The following ZHX3 variants were observed in gnomAD, a reference collection of about 807,000 sequenced individuals.
The protein encoded by ZHX3 is zinc fingers and homeoboxes 3.
A neutral mutation model predicts 64.5 loss-of-function variants in ZHX3; 20 were observed. The ratio of observed to expected loss-of-function variants is 0.31; its 90% CI spans 0.22 to 0.45. The LOEUF is 0.45. ZHX3 is among the 20% of genes least tolerant of loss of function. ZHX3 has a pLI of 1.00. For synonymous variants in ZHX3, 423 were observed against 461.6 expected, an observed-to-expected ratio of 0.92 and a Z score of 1.07; for missense variants, 1,041 against 1,195.8, an observed-to-expected ratio of 0.87 and a Z score of 1.91.
In ZHX3 at chr20:41,202,901, G is replaced by A; in HGVS notation, c.2016C>T (p.Thr672=). ...GAGAGGCATTCTCCTCAGCCTTCTT[G>A]GTCTCCTCAGCATTCACTTTTTTCC... ...ERRKKVNAEE[T]KKAEENASQE... Residue 672 remains threonine (T), a synonymous_variant, in exon 3 of 4, where the codon ACC becomes ACT. Coordinates refer to ENST00000683867, the MANE Select transcript of ZHX3 (RefSeq NM_001384317.1). The surrounding 1 kb of genome is among the most constrained non-coding windows in gnomAD (Gnocchi z 7.0). 1 of 1,614,048 alleles carries A rather than the reference G, an allele frequency of 6.2e-7. No individual in the cohort carries two copies. Among genetic ancestry groups the A allele is most frequent in the Non-Finnish European group, 8.5e-7 (1 of 1,180,014 alleles).
chr20:41,206,732 A>G (rs2038744643), intron 2 of ZHX3, among the ~76,000 whole-genome samples: 1 of 152,216 alleles, frequency 6.6e-6, no homozygotes, highest in African/African-American at 2.4e-5. Context: ...TCTTCAGGAT[A>G]TTATCCAGGA....
chr20:41,310,946 C>T (rs1568968551), intron 1 of ZHX3, among the ~76,000 whole-genome samples: 1 of 151,452 alleles, frequency 6.6e-6, no homozygotes, highest in African/African-American at 2.4e-5. Flanking sequence ...GTAGCTGGGA[C>T]TACAGGCACG....
chr20:41,196,402 TTA>T (rs1491367053), intron 3 of ZHX3, among the ~76,000 whole-genome samples: 2 of 54,214 alleles, frequency 3.7e-5, no homozygotes, highest in Non-Finnish European at 6.5e-5. Flanking sequence ...TTTATATATA[TTA>T]TATATTATAT....
At chr20:41,295,029 T>C (rs1349855011) in intron 1 of ZHX3, among the ~76,000 whole-genome samples, 1 of 152,232 alleles carries the variant, frequency 6.6e-6, no homozygotes, top group Non-Finnish European at 1.5e-5. Flanking sequence ...AAAAACTCTG[T>C]ATTAATGACT....
Position 41,185,176 on chromosome 20 carries a change from T to C in ZHX3, c.*15A>G. The stretch of plus-strand genomic sequence containing the variant: ...TTCCCAGACTGGCCAGTCCTTCACA[T>C]TAATCAGATCAAATTCAGTCTGTTT... On this transcript the variant is annotated 3_prime_UTR_variant, in exon 4 of 4. Coordinates refer to ENST00000683867, the MANE Select transcript of ZHX3 (RefSeq NM_001384317.1). This position sits in a 1 kb window ranked among gnomAD's most constrained non-coding sequence, Gnocchi z 5.0. 2 of 1,609,232 alleles carry C rather than the reference T, an allele frequency of 1.2e-6. No individual in the cohort carries two copies. The highest frequency in any genetic ancestry group is 1.7e-6 in the Non-Finnish European group (2 of 1,177,696).
intron 2 of ZHX3, among the ~76,000 whole-genome samples, chr20:41,263,328 GAAAAAT>G (rs1179795271): frequency 6.7e-6 from 1 of 149,934 alleles, no homozygotes; most frequent in East Asian, 1.9e-4. Context: ...CTGTGCTACC[GAAAAAT>G]AAAAATAAAA....
chr20:41,305,981 A>G (rs1464965223), intron 1 of ZHX3, among the ~76,000 whole-genome samples: 1 of 152,132 alleles, frequency 6.6e-6, no homozygotes, highest in African/African-American at 2.4e-5. Context: ...AGAATTATAT[A>G]TCCATTGTTG....
chr20:41,244,032 G>A (rs2041543924), intron 2 of ZHX3, among the ~76,000 whole-genome samples: 1 of 152,004 alleles, frequency 6.6e-6, no homozygotes, highest in Non-Finnish European at 1.5e-5. Context: ...GACATTTAGG[G>A]CTAGATAATC....
Position 41,212,337 on chromosome 20 carries a change from A to C in ZHX3, c.-150-7271T>G, listed in dbSNP as rs1254392056. The stretch of plus-strand genomic sequence containing the variant: ...CAAATCAAAACCACAATGAGATACC[A>C]CTTCACACCCACCAAGATGGCTGTA... On this transcript the variant is annotated intron_variant, in intron 2 of 3. Coordinates refer to ENST00000683867, the MANE Select transcript of ZHX3 (RefSeq NM_001384317.1). The surrounding 1 kb of genome is among the most constrained non-coding windows in gnomAD (Gnocchi z 4.3). Among the ~76,000 whole-genome samples, 1 of 152,214 alleles carries C rather than the reference A, an allele frequency of 6.6e-6. No individual in the cohort carries two copies. Among genetic ancestry groups the C allele is most frequent in the Non-Finnish European group, 1.5e-5 (1 of 68,036 alleles).
At chr20:41,208,678 G>C (rs2038920726) in intron 2 of ZHX3, among the ~76,000 whole-genome samples, 1 of 152,102 alleles carries the variant, frequency 6.6e-6, no homozygotes, top group Non-Finnish European at 1.5e-5. Flanking sequence ...ATTAGGTATT[G>C]ATGGGACGTA....
chr20:41,204,150 G>A lies in ZHX3; in HGVS notation c.767C>T (p.Pro256Leu), dbSNP rs765465508. The change falls in exon 3 of 4, where the codon CCC becomes CTC. Residue 256 changes from proline (P) to leucine (L), a missense_variant. Physicochemically the swap from Pro to Leu is moderately conservative, Grantham distance 98 (BLOSUM62 -3). This residue lies in a region of ZHX3 where 358 missense variants were observed against 369.1 expected (regional missense o/e 0.97). Coordinates refer to ENST00000683867, the MANE Select transcript of ZHX3 (RefSeq NM_001384317.1). The surrounding 1 kb of genome is among the most constrained non-coding windows in gnomAD (Gnocchi z 6.6). Reference protein sequence around the residue: ...SAKNPHAANGPLIGTVPVLPA... With the variant: ...SAKNPHAANGLLIGTVPVLPA... ...CAAAACTGGCACTGTTCCTATCAGG[G>A]GCCCGTTGGCGGCATGGGGGTTTTT... is the stretch of plus-strand genomic sequence containing the variant. 9 of 1,607,230 alleles carry A rather than the reference G, an allele frequency of 5.6e-6. No homozygotes were observed. The East Asian group carries it at 1.6e-4, about 28-fold the overall frequency.
In ZHX3 at chr20:41,289,621, T is replaced by A. The variant is rs139129226; in HGVS notation, c.-244-20538A>T. The stretch of plus-strand genomic sequence containing the variant: ...AATCTTATTGTACTAATAAAACGTT[T>A]GGCTATGTCTACCAAACATTTGAAA... On this transcript the variant is annotated intron_variant, in intron 1 of 3. Coordinates refer to ENST00000683867, the MANE Select transcript of ZHX3 (RefSeq NM_001384317.1). Among the ~76,000 whole-genome samples, 1,095 of 152,258 alleles carry A rather than the reference T, an allele frequency of 7.2e-3. 9 individuals are homozygous for A. Among genetic ancestry groups the A allele is most frequent in the African/African-American group, 0.025 (1,050 of 41,546 alleles).
rs1352183314 is a variant in ZHX3 at position 41,184,242 on chromosome 20, G to C, written c.*949C>G. 1 of 152,246 alleles carries C rather than the reference G, an allele frequency of 6.6e-6. No individual in the cohort carries two copies. Among genetic ancestry groups the C allele is most frequent in the Non-Finnish European group, 1.5e-5 (1 of 68,126 alleles). 9.4% of individuals were successfully genotyped at this position (152,246 alleles called of 1,614,324 possible). A position where few individuals can be genotyped will look rare whatever the true frequency, so the allele number is the denominator to read the frequency against. ...GAGAAAGGGCTCTGAAAACCGCAGTGGTCAAAGCTTCAGGCTGTGGCTATA... is the reference window on the plus strand; with the variant it reads ...GAGAAAGGGCTCTGAAAACCGCAGTCGTCAAAGCTTCAGGCTGTGGCTATA... On this transcript the variant is annotated 3_prime_UTR_variant, in exon 4 of 4. Coordinates refer to ENST00000683867, the MANE Select transcript of ZHX3 (RefSeq NM_001384317.1).
At chr20:41,243,682 T>C (rs1003326499) in intron 2 of ZHX3, among the ~76,000 whole-genome samples, 5 of 152,130 alleles carry the variant, frequency 3.3e-5, no homozygotes, top group Admixed American at 6.5e-5. Context: ...ATAATATTAT[T>C]ATTATAATAA....
At chr20:41,250,289 T>TCA (rs1282230661) in intron 2 of ZHX3, among the ~76,000 whole-genome samples, 1 of 152,178 alleles carries the variant, frequency 6.6e-6, no homozygotes, top group Non-Finnish European at 1.5e-5. Context: ...AAATCCCAGC[T>TCA]CACATGCTGC....
In ZHX3 at chr20:41,228,767, T is replaced by C. The variant is rs2040423898; in HGVS notation, c.-150-23701A>G. ...CAGTCCACTGCACCATACATCCAGA[T>C]TTCCAAGCATACTTATTTTTTTCCT... On this transcript the variant is annotated intron_variant, in intron 2 of 3. Transcript: ENST00000683867. This position sits in a 1 kb window ranked among gnomAD's most constrained non-coding sequence, Gnocchi z 4.6. 6.6e-6 allele frequency among the ~76,000 whole-genome samples: 1 copy of C among 152,200 alleles called. No individual in the cohort carries two copies. The highest frequency in any genetic ancestry group is 6.5e-5 in the Admixed American group (1 of 15,282).
chr20:41,283,431 C>A (rs952923947), intron 1 of ZHX3, among the ~76,000 whole-genome samples: 2 of 152,128 alleles, frequency 1.3e-5, no homozygotes, highest in African/African-American at 4.8e-5. Flanking sequence ...AAAGCAAATG[C>A]ATCTCCTGGG....
At chr20:41,304,877 G>A (rs1600674705) in intron 1 of ZHX3, among the ~76,000 whole-genome samples, 1 of 152,230 alleles carries the variant, frequency 6.6e-6, no homozygotes, top group Non-Finnish European at 1.5e-5. Context: ...GTTATTAAAT[G>A]AGAATGGGAC....
chr20:41,309,170 G>C (rs1041735223), intron 1 of ZHX3, among the ~76,000 whole-genome samples: 1 of 152,116 alleles, frequency 6.6e-6, no homozygotes, highest in African/African-American at 2.4e-5. Flanking sequence ...TGTTGTCAGT[G>C]TGTTTGCCTC....
Sources: gnomAD v4.1 joint callset for allele counts (sites outside exome capture counted in the v4.1 genomes callset) on GRCh38, gnomAD v4.1.1 for gene constraint, gnomAD v4.1.1 regional missense constraint, Gnocchi (gnomAD v3.1) non-coding constraint, MANE v1.5 for transcripts, NCBI Gene and HGNC (gene_info 2026-07-23, HGNC 2026-07-21) for gene names.